PIK3C3: variants seen among roughly 807,000 people sequenced by gnomAD.
The protein encoded by PIK3C3 is phosphatidylinositol 3-kinase catalytic subunit type 3, also known as PI3-kinase type 3.
PIK3C3 carries 95 observed loss-of-function variants against 126.1 expected under a neutral mutation model. The observed-to-expected ratio is 0.75, with a 90% confidence interval of 0.64 to 0.89. The LOEUF is 0.89. PIK3C3 is among the 40% of genes least tolerant of loss of function. The pLI is 0.00. For missense variants in PIK3C3, 829 were observed against 1,063.2 expected, an observed-to-expected ratio of 0.78 and a Z score of 3.06; for synonymous variants, 374 against 360.0, an observed-to-expected ratio of 1.04 and a Z score of -0.44.
chr18:41,973,781 A>G (rs1190505093), intron 4 of PIK3C3, among the ~76,000 whole-genome samples: 1 of 152,128 alleles, frequency 6.6e-6, no homozygotes, highest in Non-Finnish European at 1.5e-5. Context: ...ATTTTCATAC[A>G]GAAGGAACAG....
At chr18:42,005,642 A>G (rs759522099) in intron 10 of PIK3C3, among the ~76,000 whole-genome samples, 2 of 152,232 alleles carry the variant, frequency 1.3e-5, no homozygotes, top group Non-Finnish European at 2.9e-5. Context: ...GCTTCAATAT[A>G]TATAGCAATG....
chr18:41,999,872 C>T (rs1375585973), intron 9 of PIK3C3, among the ~76,000 whole-genome samples: 16 of 151,718 alleles, frequency 1.1e-4, no homozygotes, highest in Non-Finnish European at 2.1e-4. Context: ...TTTTATGGGG[C>T]AGGAAAGCAT....
chr18:41,997,850 A>G (rs1982103123), intron 9 of PIK3C3, among the ~76,000 whole-genome samples: 1 of 152,132 alleles, frequency 6.6e-6, no homozygotes, highest in African/African-American at 2.4e-5. Flanking sequence ...AGACGTAGAA[A>G]AGAGAATTAT....
At chr18:42,031,957 A>G (rs1439043195) in intron 15 of PIK3C3, among the ~76,000 whole-genome samples, 2 of 152,362 alleles carry the variant, frequency 1.3e-5, no homozygotes, top group East Asian at 3.9e-4. Flanking sequence ...TAAATGCAAT[A>G]AATAAATAAA....
chr18:42,076,389 A>T (rs614911), intron 24 of PIK3C3, among the ~76,000 whole-genome samples: 1 of 151,882 alleles, frequency 6.6e-6, no homozygotes, highest in South Asian at 2.1e-4. Flanking sequence ...CCCATCAAAG[A>T]AAAAAACGTT....
intron 15 of PIK3C3, among the ~76,000 whole-genome samples, chr18:42,032,979 CAGCA>C (rs909157032): frequency 3.9e-5 from 6 of 152,092 alleles, no homozygotes; most frequent in African/African-American, 1.4e-4. Flanking sequence ...GAGGCTTACC[CAGCA>C]GCACAAAGCA....
intron 13 of PIK3C3, chr18:42,027,102 A>G (rs1248505711): frequency 6.3e-6 from 1 of 159,200 alleles, no homozygotes; most frequent in African/African-American, 2.4e-5. Context: ...TTTGTTCTCG[A>G]GTTACTCAGT....
chr18:42,053,894 T>G (rs1045019657), intron 21 of PIK3C3, among the ~76,000 whole-genome samples: 1 of 151,658 alleles, frequency 6.6e-6, no homozygotes, highest in African/African-American at 2.4e-5. Context: ...CTGTACTAAA[T>G]GGAAAGTTCA....
At position 42,071,460 on chromosome 18, in the gene PIK3C3, C is replaced by T. The variant is rs1404064051; in HGVS notation, c.2649+3947C>T. Among the ~76,000 whole-genome samples the T allele has an allele frequency of 2.0e-5, 3 of 152,258 alleles. No homozygotes were observed. The East Asian group carries it at 5.8e-4, about 29-fold the overall frequency. ...TTCAGCCTGGCTCAGTGGCTCATGC[C>T]TGTAATCCCAGCACTTTGCAAGGCC... On this transcript the variant is annotated intron_variant, in intron 24 of 24. Transcript: ENST00000262039.
intron 4 of PIK3C3, among the ~76,000 whole-genome samples, chr18:41,980,935 G>A (rs1165360703): frequency 6.6e-6 from 1 of 151,830 alleles, no homozygotes; most frequent in South Asian, 2.1e-4. Flanking sequence ...TTTCTTCCTC[G>A]AATGTTTTGT....
chr18:42,063,262 C>T (rs1377218182), intron 22 of PIK3C3, among the ~76,000 whole-genome samples: 2 of 152,154 alleles, frequency 1.3e-5, no homozygotes, highest in Non-Finnish European at 2.9e-5. Flanking sequence ...TTTACACCCT[C>T]CTCCAGAATG....
chr18:42,059,287 G>A (rs1208269752), intron 22 of PIK3C3, among the ~76,000 whole-genome samples: 1 of 152,170 alleles, frequency 6.6e-6, no homozygotes, highest in Non-Finnish European at 1.5e-5. Flanking sequence ...GTGGCAGAAT[G>A]GCTCAGTTTT....
At chr18:41,960,859 A>C (rs1054043564) in intron 2 of PIK3C3, among the ~76,000 whole-genome samples, 1 of 151,690 alleles carries the variant, frequency 6.6e-6, no homozygotes, top group Non-Finnish European at 1.5e-5. Flanking sequence ...CTCCTGCCTC[A>C]GCCTCCCAAG....
At chr18:41,984,682 G>A (rs985636001) in intron 4 of PIK3C3, among the ~76,000 whole-genome samples, 4 of 152,056 alleles carry the variant, frequency 2.6e-5, no homozygotes, top group Non-Finnish European at 4.4e-5. Context: ...GCCAAGAGCT[G>A]ACTTTGCCAT....
intron 10 of PIK3C3, among the ~76,000 whole-genome samples, chr18:42,005,267 A>T (rs1255193505): frequency 6.6e-6 from 1 of 152,196 alleles, no homozygotes; most frequent in Admixed American, 6.5e-5. Context: ...CCTGTATAGC[A>T]TGTTGTTGTA....
chr18:41,971,599 A>G (rs1458540060), intron 4 of PIK3C3, among the ~76,000 whole-genome samples: 2 of 152,038 alleles, frequency 1.3e-5, no homozygotes, highest in South Asian at 2.1e-4. Context: ...CAAGCTTTTC[A>G]TATGTCTACC....
At chr18:42,015,306 C>A (rs1200468005) in intron 11 of PIK3C3, among the ~76,000 whole-genome samples, 170 bp from the exon 12 acceptor site, 1 of 152,116 alleles carries the variant, frequency 6.6e-6, no homozygotes, top group Non-Finnish European at 1.5e-5. Flanking sequence ...TAATCTTTGA[C>A]CATGCGCTTT....
At chr18:41,990,630 C>T (rs1568125178) in intron 6 of PIK3C3, 76 bp downstream of exon 6, 2 of 774,368 alleles carry the variant, frequency 2.6e-6, no homozygotes, top group East Asian at 2.6e-5. Context: ...GTTGTTCCTG[C>T]TGGGATGAAT....
intron 12 of PIK3C3, among the ~76,000 whole-genome samples, chr18:42,015,965 A>T (rs943530303): frequency 1.3e-5 from 2 of 152,200 alleles, no homozygotes; most frequent in Non-Finnish European, 2.9e-5. Context: ...TTAACTATAC[A>T]TATAAGTAGA....
Sources: gnomAD v4.1 joint callset for allele counts (sites outside exome capture counted in the v4.1 genomes callset) on GRCh38, gnomAD v4.1.1 for gene constraint, MANE v1.5 for transcripts, NCBI Gene and HGNC (gene_info 2026-07-23, HGNC 2026-07-21) for gene names.